TMEM143: variants seen among roughly 807,000 people sequenced by gnomAD.
TMEM143 encodes transmembrane protein 143.
TMEM143 carries 45 observed loss-of-function variants against 40.3 expected under a neutral mutation model. The observed-to-expected ratio is 1.12, with a 90% CI of 0.88 to 1.43. The LOEUF (loss-of-function observed/expected upper bound fraction) is 1.43. TMEM143 is among the 40% of genes most tolerant of loss of function. The pLI, the probability that TMEM143 is intolerant of heterozygous loss-of-function variation, is 0.00. For synonymous variants in TMEM143, 299 were observed against 282.7 expected, an observed-to-expected ratio of 1.06 and a Z score of -0.58; for missense variants, 620 against 613.4, an observed-to-expected ratio of 1.01 and a Z score of -0.11.
chr19:48,358,622 A>G (rs1270016615), intron 3 of TMEM143, among the ~76,000 whole-genome samples: 1 of 152,026 alleles, frequency 6.6e-6, no homozygotes, highest in African/African-American at 2.4e-5. Flanking sequence ...CCAGCACATC[A>G]GCAAAACGCT....
intron 4 of TMEM143, among the ~76,000 whole-genome samples, chr19:48,344,526 C>T (rs1969579077): frequency 1.3e-5 from 2 of 151,942 alleles, no homozygotes; most frequent in Non-Finnish European, 2.9e-5. Context: ...TGGGCTCGAG[C>T]GATCCTCCTG....
intron 4 of TMEM143, 105 bp downstream of exon 4, chr19:48,345,055 A>C: frequency 2.4e-6 from 3 of 1,252,268 alleles, no homozygotes; most frequent in Non-Finnish European, 3.3e-6. Context: ...TATGGGCCAC[A>C]GTCCCAGGCT....
intron 4 of TMEM143, 72 bp downstream of exon 4, chr19:48,345,088 C>T (rs1969589501): frequency 4.0e-6 from 6 of 1,514,672 alleles, no homozygotes; most frequent in Non-Finnish European, 5.4e-6. Flanking sequence ...TCCCAGCAGC[C>T]CATGCCTCTC....
intron 3 of TMEM143, among the ~76,000 whole-genome samples, chr19:48,358,320 G>T (rs1436329977): frequency 6.6e-6 from 1 of 151,796 alleles, no homozygotes; most frequent in African/African-American, 2.4e-5. Context: ...GAAGACAGAG[G>T]TTGCAGTGAG....
chr19:48,359,648 A>G (rs1969991455), intron 3 of TMEM143, among the ~76,000 whole-genome samples: 1 of 151,378 alleles, frequency 6.6e-6, no homozygotes, highest in Non-Finnish European at 1.5e-5. Flanking sequence ...CTGGAACTAC[A>G]GTCGCCCCCC....
At chr19:48,337,803 GT>G (rs1344678460) in intron 6 of TMEM143, among the ~76,000 whole-genome samples, 1 of 152,216 alleles carries the variant, frequency 6.6e-6, no homozygotes, top group African/African-American at 2.4e-5. Flanking sequence ...AGCACAGTCA[GT>G]TTAGGTGCCT....
chr19:48,344,419 G>C (rs189399625), intron 4 of TMEM143, among the ~76,000 whole-genome samples: 1 of 151,798 alleles, frequency 6.6e-6, no homozygotes, highest in East Asian at 2.0e-4. Flanking sequence ...CTCCCGAGTA[G>C]CTGGGACTGC....
Position 48,342,662 on chromosome 19 carries a change from G to GA in TMEM143, c.842dup (p.Asn282GlnfsTer128), listed in dbSNP as rs1342747278. On this transcript the variant is annotated frameshift_variant, in exon 6 of 8. Coordinates refer to ENST00000293261, the MANE Select transcript of TMEM143 (RefSeq NM_018273.4). LOFTEE classifies it high-confidence loss of function. Reference sequence around the variant, plus strand: ...CGCCGGAGACTACCAGCATGAGGTTGAGCAGGGCGCGCTGCAGGGTGGGCG... The same window carrying GA: ...CGCCGGAGACTACCAGCATGAGGTTGAAGCAGGGCGCGCTGCAGGGTGGGCG... The GA allele has an allele frequency of 1.2e-6, 2 of 1,613,998 alleles. No individual in the cohort carries two copies. The highest frequency in any genetic ancestry group is 3.3e-5 in the Admixed American group (2 of 60,006).
intron 1 of TMEM143, 99 bp downstream of exon 1, chr19:48,363,799 C>A (rs1970126489): frequency 1.9e-6 from 3 of 1,581,676 alleles, no homozygotes; most frequent in Middle Eastern, 1.7e-4. Context: ...GTCTAGACAG[C>A]GAGGTAGATC....
At chr19:48,361,482 T>A (rs1053889426) in intron 2 of TMEM143, among the ~76,000 whole-genome samples, 2 of 151,696 alleles carry the variant, frequency 1.3e-5, no homozygotes, top group African/African-American at 4.8e-5. Flanking sequence ...CTTCCCAAAG[T>A]GCTGGGATTA....
chr19:48,334,386 GGTCT>G (rs760608894), intron 6 of TMEM143, among the ~76,000 whole-genome samples, 189 bp from the exon 7 acceptor site: 4 of 150,548 alleles, frequency 2.7e-5, no homozygotes, highest in Non-Finnish European at 4.5e-5. Flanking sequence ...GGATTTTTGG[GGTCT>G]GTCTTTTCTT....
At chr19:48,344,399 C>T (rs1969576009) in intron 4 of TMEM143, among the ~76,000 whole-genome samples, 1 of 150,834 alleles carries the variant, frequency 6.6e-6, no homozygotes, top group African/African-American at 2.4e-5. Flanking sequence ...AATGATCCTC[C>T]CACCTCAGCC....
In TMEM143 at chr19:48,360,111, G is replaced by C; in HGVS notation, c.330C>G (p.Cys110Trp). The change falls in exon 3 of 8, where the codon TGC becomes TGG. Residue 110 changes from cysteine to tryptophan, a missense_variant. Coordinates refer to ENST00000293261, the MANE Select transcript of TMEM143 (RefSeq NM_018273.4). ...GGATTTGGTGGTAGTGGAACAGGGT[G>C]CAGAAGTCCACGTGGGCCGAGAACG... ...LEAFSAHVDF[C>W]TLFHYHQILA... 6.2e-7 allele frequency: 1 copy of C among 1,614,162 alleles called. No homozygotes were observed. Among genetic ancestry groups the C allele is most frequent in the Non-Finnish European group, 8.5e-7 (1 of 1,180,016 alleles).
At chr19:48,334,682 T>A (rs1393741595) in intron 6 of TMEM143, among the ~76,000 whole-genome samples, 2 of 148,808 alleles carry the variant, frequency 1.3e-5, no homozygotes, top group East Asian at 4.1e-4. Context: ...AGCTTTGAAC[T>A]CCCGGGCTCA....
chr19:48,357,898 C>G (rs1407388207), intron 3 of TMEM143, among the ~76,000 whole-genome samples: 3 of 141,176 alleles, frequency 2.1e-5, no homozygotes, highest in Middle Eastern at 4.1e-3. Flanking sequence ...CGAAGATACA[C>G]AGAGTGATAT....
In TMEM143 at chr19:48,334,146, A is replaced by G. The variant is rs1227864836; in HGVS notation, c.1027T>C (p.Tyr343His). 3.7e-6 allele frequency: 6 copies of G among 1,608,726 alleles called. No individual in the cohort carries two copies. Among genetic ancestry groups the G allele is most frequent in the Non-Finnish European group, 5.1e-6 (6 of 1,178,064 alleles). Reference protein sequence around the residue: ...AQALELAHMLYYRSTSNNSEL... With the variant: ...AQALELAHMLHYRSTSNNSEL... ...GAGTTGTTGGACGTACTGCGATAGT[A>G]CAGCATGTGCGCCAGCTCCAACGCC... Residue 343 changes from tyrosine to histidine, a missense_variant, in exon 7 of 8, where the codon TAC becomes CAC. Coordinates refer to ENST00000293261, the MANE Select transcript of TMEM143 (RefSeq NM_018273.4).
At chr19:48,351,040 G>A (rs1220924074) in intron 3 of TMEM143, among the ~76,000 whole-genome samples, 5 of 151,824 alleles carry the variant, frequency 3.3e-5, no homozygotes, top group Non-Finnish European at 7.4e-5. Flanking sequence ...GTCTACTGAG[G>A]ACTCCCAGAT....
chr19:48,350,092 C>T (rs935005361), intron 3 of TMEM143, among the ~76,000 whole-genome samples: 11 of 150,746 alleles, frequency 7.3e-5, no homozygotes, highest in African/African-American at 2.7e-4. Flanking sequence ...CCTCCGCCTC[C>T]CGGGTTCAAG....
intron 3 of TMEM143, among the ~76,000 whole-genome samples, chr19:48,346,217 G>C (rs1969629050): frequency 6.6e-6 from 1 of 152,058 alleles, no homozygotes; most frequent in Admixed American, 6.6e-5. Context: ...TCAGCCTCCT[G>C]AGTAGCTGGG....
Sources: allele counts gnomAD v4.1 joint callset (sites outside exome capture counted in the v4.1 genomes callset), GRCh38; gene constraint gnomAD v4.1.1; transcripts MANE v1.5; gene names NCBI Gene and HGNC (gene_info 2026-07-23, HGNC 2026-07-21).